The following DCHS1 variants were observed in gnomAD, a reference collection of about 807,000 sequenced individuals.
DCHS1 encodes the protein protocadherin-16.
In DCHS1, 78 loss-of-function variants were observed where a neutral mutation model predicts 213.9. That is an observed-to-expected ratio of 0.36 (90% CI 0.30 to 0.44). The LOEUF (loss-of-function observed/expected upper bound fraction) is 0.44, where lower values mean the gene tolerates loss of function less well. DCHS1 is among the 20% of genes least tolerant of loss of function. DCHS1 has a pLI of 1.00. For missense variants in DCHS1, 3,946 were observed against 4,395.9 expected, an observed-to-expected ratio of 0.90 and a Z score of 2.89; for synonymous variants, 1,828 against 1,873.7, an observed-to-expected ratio of 0.98 and a Z score of 0.63.
chr11:6,643,336 A>G (rs899819871), intron 1 of DCHS1, among the ~76,000 whole-genome samples: 5 of 151,280 alleles, frequency 3.3e-5, no homozygotes, highest in Admixed American at 1.3e-4. Flanking sequence ...CACTTCTCAC[A>G]CTCTCCTCCC....
Position 6,626,078 on chromosome 11 carries a change from G to C in DCHS1, c.6577-4C>G, listed in dbSNP as rs1439297886. On this transcript the variant is annotated splice_polypyrimidine_tract_variant and splice_region_variant and intron_variant, in intron 16 of 20. Transcript: ENST00000299441. This position sits in a 1 kb window ranked among gnomAD's most constrained non-coding sequence, Gnocchi z 5.2. Reference sequence around the variant, plus strand: ...GATCCAGGTCATCCGCCTCCACCTGGTGAGGGTAGGAGGCTGCTGGGACTG... The same window carrying C: ...GATCCAGGTCATCCGCCTCCACCTGCTGAGGGTAGGAGGCTGCTGGGACTG... The C allele has an allele frequency of 1.2e-6, 2 of 1,608,166 alleles. No individual in the cohort carries two copies. Among genetic ancestry groups the C allele is most frequent in the South Asian group, 2.2e-5 (2 of 89,884 alleles).
chr11:6,625,131 C>T lies in DCHS1; in HGVS notation c.7146+67G>A. 1 of 1,526,436 alleles carries T rather than the reference C, an allele frequency of 6.6e-7. No individual in the cohort carries two copies. The highest frequency in any genetic ancestry group is 8.8e-7 in the Non-Finnish European group (1 of 1,137,316). 94.6% of individuals were successfully genotyped at this position (1,526,436 alleles called of 1,614,324 possible). ...TCCAGCCCACCTCAGCAGCTGCTAG[C>T]TCTGATACTTCCCTCCAACAGGAAC... On this transcript the variant is annotated intron_variant, in intron 19 of 20. Transcript: ENST00000299441. This position sits in a 1 kb window ranked among gnomAD's most constrained non-coding sequence, Gnocchi z 5.3.
Position 6,622,392 on chromosome 11 carries a change from G to A in DCHS1, c.9284C>T (p.Ala3095Val), listed in dbSNP as rs757899457. The change falls in exon 21 of 21, where the codon GCA (alanine) becomes GTA (valine). Residue 3095 changes from alanine (A) to valine (V), a missense_variant. This residue lies in a region of DCHS1 where 554 missense variants were observed against 590.2 expected (regional missense o/e 0.94). Transcript: ENST00000299441. This position sits in a 1 kb window ranked among gnomAD's most constrained non-coding sequence, Gnocchi z 5.4. ...TCCTGCACCTGGCAGCAGCAGCCCT[G>A]CCTTTCGGCCCTTATACCAGGTGTC... Reference protein sequence around the residue: ...APDTWYKGRKAGLLLPGAGAT... With the variant: ...APDTWYKGRKVGLLLPGAGAT... 6.4e-7 allele frequency: 1 copy of A among 1,558,492 alleles called. No homozygotes were observed. The highest frequency in any genetic ancestry group is 8.7e-7 in the Non-Finnish European group (1 of 1,150,384).
rs372255060 is a variant in DCHS1 at position 6,639,944 on chromosome 11, G to A, written c.1670C>T (p.Pro557Leu). 3.1e-6 allele frequency: 5 copies of A among 1,614,058 alleles called. No homozygotes were observed. Among genetic ancestry groups the A allele is most frequent in the African/African-American group, 1.3e-5 (1 of 75,062 alleles). ...IVVATDGGLP[P>L]LASSATVSVA... ...GCTAACTGTGGCAGAGGAGGCTAGAGGGGGCAGGCCACCATCTGTGGCCAC... is the reference window on the plus strand; with the variant it reads ...GCTAACTGTGGCAGAGGAGGCTAGAAGGGGCAGGCCACCATCTGTGGCCAC... Residue 557 changes from proline to leucine, a missense_variant, in exon 2 of 21, where the codon CCT becomes CTT. By Grantham distance (98) the Pro-to-Leu change is moderately conservative (BLOSUM62 -3). Coordinates refer to ENST00000299441, the MANE Select transcript of DCHS1 (RefSeq NM_003737.4).
At position 6,625,310 on chromosome 11, in the gene DCHS1, T is replaced by G; in HGVS notation, c.7034A>C (p.Tyr2345Ser). 1.9e-6 allele frequency: 3 copies of G among 1,613,790 alleles called. No homozygotes were observed. The highest frequency in any genetic ancestry group is 2.5e-6 in the Non-Finnish European group (3 of 1,179,870). ...GPLDFEQCDRYQLQLLAHDGP... is the reference protein window; with the variant it reads ...GPLDFEQCDRSQLQLLAHDGP... ...ATCATGTGCCAGCAGCTGCAGCTGG[T>G]AGCGGTCACACTGCTCAAAGTCCAG... Residue 2345 changes from tyrosine (Y) to serine (S), a missense_variant, in exon 19 of 21, where the codon TAC becomes TCC. This residue lies in a region of DCHS1 where 3,384 missense variants were observed against 3,780.1 expected (regional missense o/e 0.90). Coordinates refer to ENST00000299441, the MANE Select transcript of DCHS1 (RefSeq NM_003737.4). The surrounding 1 kb of genome is among the most constrained non-coding windows in gnomAD (Gnocchi z 5.3).
chr11:6,647,713 T>C (rs145636749), intron 1 of DCHS1, among the ~76,000 whole-genome samples: 2 of 152,296 alleles, frequency 1.3e-5, no homozygotes, highest in African/African-American at 4.8e-5. Context: ...TAACACAGCC[T>C]TAATTTGGTC....
intron 2 of DCHS1, among the ~76,000 whole-genome samples, chr11:6,635,664 C>T (rs148517406): frequency 2.6e-5 from 4 of 152,232 alleles, no homozygotes; most frequent in Admixed American, 1.3e-4. Flanking sequence ...CAACTCTCTA[C>T]TGTGGCTGTG....
Position 6,632,138 on chromosome 11 carries a change from C to A in DCHS1, c.3374G>T (p.Gly1125Val). 1 of 1,583,290 alleles carries A rather than the reference C, an allele frequency of 6.3e-7. No individual in the cohort carries two copies. Among genetic ancestry groups the A allele is most frequent in the Non-Finnish European group, 8.6e-7 (1 of 1,161,006 alleles). Reference protein sequence around the residue: ...AENQPPGTSVGRVFATDRDSG... With the variant: ...AENQPPGTSVVRVFATDRDSG... ...GTCTCGGTCAGTGGCAAAGACTCGG[C>A]CCACGCTGGTCCCTGGGGGCTGGTT... The change falls in exon 6 of 21, where the codon GGC becomes GTC. Residue 1125 changes from glycine (G) to valine (V), a missense_variant. By Grantham distance (109) the Gly-to-Val change is moderately radical (BLOSUM62 -3). Around this residue, in one of 3 missense-constraint regions of DCHS1, gnomAD observed 3,384 missense variants for 3,780.1 expected, o/e 0.90. Transcript: ENST00000299441. This position sits in a 1 kb window ranked among gnomAD's most constrained non-coding sequence, Gnocchi z 5.9.
Position 6,628,624 on chromosome 11 carries a change from G to C in DCHS1, c.5368C>G (p.Leu1790Val), listed in dbSNP as rs1462137338. 1.2e-6 allele frequency: 2 copies of C among 1,613,854 alleles called. No individual in the cohort carries two copies. Among genetic ancestry groups the C allele is most frequent in the African/African-American group, 1.3e-5 (1 of 74,914 alleles). ...GTGGGAGTGGGAAGGTTCTCACCTA[G>C]GATGCGGTACTGCAACTGCCCATTG... ...GANGQLQYRILDGDPSGAFVL... is the reference protein window; with the variant it reads ...GANGQLQYRIVDGDPSGAFVL... The change falls in exon 13 of 21, where the codon CTA becomes GTA. Residue 1790 changes from leucine to valine, a missense_variant. Physicochemically the swap from Leu to Val is conservative, Grantham distance 32. This residue lies in a region of DCHS1 where 3,384 missense variants were observed against 3,780.1 expected (regional missense o/e 0.90). Coordinates refer to ENST00000299441, the MANE Select transcript of DCHS1 (RefSeq NM_003737.4). The surrounding 1 kb of genome is among the most constrained non-coding windows in gnomAD (Gnocchi z 4.3).
intron 8 of DCHS1, 27 bp downstream of exon 8, chr11:6,631,284 C>T: frequency 6.2e-7 from 1 of 1,613,928 alleles, no homozygotes; most frequent in Non-Finnish European, 8.5e-7. Flanking sequence ...CCATCACCCA[C>T]CAATTCTCCT....
intron 1 of DCHS1, among the ~76,000 whole-genome samples, chr11:6,650,744 C>G (rs1363234732): frequency 2.0e-5 from 3 of 152,208 alleles, no homozygotes; most frequent in Non-Finnish European, 4.4e-5. Context: ...GGCACAGCTT[C>G]TGCTTCTTCC....
chr11:6,637,284 G>C (rs1855998888), intron 2 of DCHS1, among the ~76,000 whole-genome samples: 1 of 152,124 alleles, frequency 6.6e-6, no homozygotes, highest in Non-Finnish European at 1.5e-5. Context: ...TAAGTGCCTT[G>C]CAGGATGGTT....
rs202139983 is a variant in DCHS1, at chr11:6,627,678, G to A, written c.5372-11C>T. The A allele has an allele frequency of 6.2e-7, 1 of 1,606,952 alleles. No individual in the cohort carries two copies. Among genetic ancestry groups the A allele is most frequent in the Non-Finnish European group, 8.5e-7 (1 of 1,175,398 alleles). ...CTGATGGGTCCCCATCTGCAGAGAAGGGCATGCACATATAAATATACATGT... is the reference window on the plus strand; with the variant it reads ...CTGATGGGTCCCCATCTGCAGAGAAAGGCATGCACATATAAATATACATGT... On this transcript the variant is annotated splice_polypyrimidine_tract_variant and intron_variant, in intron 13 of 20. Transcript: ENST00000299441. The surrounding 1 kb of genome is among the most constrained non-coding windows in gnomAD (Gnocchi z 5.4).
Position 6,631,599 on chromosome 11 carries a change from C to A in DCHS1, c.3675+17G>T. 1 of 1,560,408 alleles carries A rather than the reference C, an allele frequency of 6.4e-7. No individual in the cohort carries two copies. The highest frequency in any genetic ancestry group is 8.7e-7 in the Non-Finnish European group (1 of 1,151,970). ...CCTCTCACACTTCTCAGGACAAAGT[C>A]CTGCCACTTCACATACCTGTATAGG... On this transcript the variant is annotated intron_variant, in intron 7 of 20. Coordinates refer to ENST00000299441, the MANE Select transcript of DCHS1 (RefSeq NM_003737.4).
At chr11:6,649,663 T>G (rs147135423) in intron 1 of DCHS1, among the ~76,000 whole-genome samples, 1 of 152,200 alleles carries the variant, frequency 6.6e-6, no homozygotes, top group African/African-American at 2.4e-5. Context: ...GTCCTTTCCT[T>G]CATGATGTTC....
Position 6,629,819 on chromosome 11 carries a change from AGC to A in DCHS1, c.4886_4887del (p.Arg1629LeufsTer12). On this transcript the variant is annotated frameshift_variant, in exon 11 of 21. Transcript: ENST00000299441. LOFTEE classifies it high-confidence loss of function. Reference sequence around the variant, plus strand: ...CTGACGGTCAGGACCTGCGTGGCCGAGCGCGGCGGGGAGCCGTGGTCTGAGGC... The same window carrying A: ...CTGACGGTCAGGACCTGCGTGGCCGAGCGGCGGGGAGCCGTGGTCTGAGGC... ...VVASDHGSPP[R>X]SATQVLTVSV... 6.2e-7 allele frequency: 1 copy of A among 1,613,216 alleles called. No homozygotes were observed. Among genetic ancestry groups the A allele is most frequent in the South Asian group, 1.1e-5 (1 of 91,084 alleles).
Position 6,641,514 on chromosome 11 carries a change from C to CCAGCAG in DCHS1, c.94_99dup (p.Leu32_Leu33dup), listed in dbSNP as rs72555381. Reference sequence around the variant, plus strand: ...CCCCAGGCACCTGGCACCCCAGCCCCCAGCAGCAGCAGCAGCAGCAGCAGC... The same window carrying CCAGCAG: ...CCCCAGGCACCTGGCACCCCAGCCCCCAGCAGCAGCAGCAGCAGCAGCAGCAGCAGC... On this transcript the variant is annotated inframe_insertion, in exon 2 of 21. Coordinates refer to ENST00000299441, the MANE Select transcript of DCHS1 (RefSeq NM_003737.4). This position sits in a 1 kb window ranked among gnomAD's most constrained non-coding sequence, Gnocchi z 7.1. The CCAGCAG allele has an allele frequency of 1.2e-5, 18 of 1,551,214 alleles. No individual in the cohort carries two copies. The highest frequency in any genetic ancestry group is 4.9e-5 in the East Asian group (2 of 40,830).
In DCHS1 at chr11:6,633,538, C is replaced by G. The variant is rs752702880; in HGVS notation, c.2329G>C (p.Asp777His). The change falls in exon 5 of 21, where the codon GAC (aspartate) becomes CAC (histidine). Residue 777 changes from aspartate to histidine, a missense_variant. By Grantham distance (81) the Asp-to-His change is moderately conservative. Coordinates refer to ENST00000299441, the MANE Select transcript of DCHS1 (RefSeq NM_003737.4). ...GGGGTTCCAGGCACAATGCTGATGT[C>G]CACTCGGGCACTGGGTTCTGCCTGT... ...GLQAEPSARV[D>H]ISIVPGTPTP... The G allele has an allele frequency of 6.9e-6, 11 of 1,587,766 alleles. No individual in the cohort carries two copies. In the African/African-American group the frequency reaches 1.5e-4, roughly 21 times the overall value.
chr11:6,624,614 C>A, intron 20 of DCHS1, 116 bp downstream of exon 20: 1 of 1,489,016 alleles, frequency 6.7e-7, no homozygotes, highest in African/African-American at 1.4e-5. Context: ...GAGGAAATGT[C>A]CTCCCTAGGC....
Sources: gnomAD v4.1 joint callset for allele counts (sites outside exome capture counted in the v4.1 genomes callset) on GRCh38, gnomAD v4.1.1 for gene constraint, gnomAD v4.1.1 regional missense constraint, Gnocchi (gnomAD v3.1) non-coding constraint, MANE v1.5 for transcripts, NCBI Gene and HGNC (gene_info 2026-07-23, HGNC 2026-07-21) for gene names.